The following FRMPD1 variants were observed in gnomAD, a reference collection of about 807,000 sequenced individuals.
FRMPD1 encodes FERM and PDZ domain-containing protein 1.
Under a neutral mutation model 117.8 loss-of-function variants are expected in FRMPD1, and 76 were observed. That is an observed-to-expected ratio of 0.65 (90% confidence interval 0.54 to 0.78). The LOEUF (loss-of-function observed/expected upper bound fraction) is 0.78, where lower values mean the gene tolerates loss of function less well. Among genes scored for constraint, FRMPD1 ranks in the 30% least tolerant of loss-of-function variants. The pLI is 0.00. For missense variants in FRMPD1, 1,786 were observed against 1,964.5 expected (o/e 0.91, Z 1.72); for synonymous variants, 783 against 770.4 (o/e 1.02, Z -0.27).
At chr9:37,657,238 C>A (rs1486409215) in intron 1 of FRMPD1, among the ~76,000 whole-genome samples, 2 of 152,124 alleles carry the variant, frequency 1.3e-5, no homozygotes, top group African/African-American at 2.4e-5. Flanking sequence ...TTAAAACCAA[C>A]GATAACAATC....
the FRMPD1 span, among the ~76,000 whole-genome samples, chr9:37,607,080 CG>C: frequency 3.3e-5 from 5 of 152,032 alleles, no homozygotes; most frequent in Non-Finnish European, 7.4e-5. Context: ...TTTGGGAGGC[CG>C]GGGCGGGTGG....
Position 37,740,225 on chromosome 9 carries a change from C to G in FRMPD1, c.1697C>G (p.Pro566Arg), listed in dbSNP as rs575392695. ...CAGCCTCCTGGGAACAGCCCCACACCTGAGGTGGCTAGGAGGGGCCCCAGC... is the reference window on the plus strand; with the variant it reads ...CAGCCTCCTGGGAACAGCCCCACACGTGAGGTGGCTAGGAGGGGCCCCAGC... The part of the protein sequence containing the change: ...EEQPPGNSPT[P>R]EVARRGPSTC... The change falls in exon 15 of 16, where the codon CCT becomes CGT. Residue 566 changes from proline (P) to arginine (R), a missense_variant. Pro to Arg is a moderately radical substitution (Grantham distance 103). Transcript: ENST00000377765. The surrounding 1 kb of genome is among the most constrained non-coding windows in gnomAD (Gnocchi z 4.2). The G allele has an allele frequency of 6.2e-7, 1 of 1,613,950 alleles. No individual in the cohort carries two copies. The highest frequency in any genetic ancestry group is 2.2e-5 in the East Asian group (1 of 44,878).
intron 1 of FRMPD1, among the ~76,000 whole-genome samples, chr9:37,681,212 C>CAAAAAAA (rs72098221): frequency 9.4e-5 from 8 of 85,544 alleles, no homozygotes; most frequent in Admixed American, 2.7e-4. Flanking sequence ...GACTCTGTCT[C>CAAAAAAA]AAAAAAAAAA....
intron 1 of FRMPD1, among the ~76,000 whole-genome samples, chr9:37,689,280 T>C (rs1419192195): frequency 6.6e-6 from 1 of 152,142 alleles, no homozygotes; most frequent in Admixed American, 6.5e-5. Flanking sequence ...GTTTACATTA[T>C]CATGACAATG....
chr9:37,623,688 T>C, the FRMPD1 span, among the ~76,000 whole-genome samples: 1 of 152,172 alleles, frequency 6.6e-6, no homozygotes, highest in South Asian at 2.1e-4. Flanking sequence ...AGAAATGATA[T>C]GATTAGAATT....
chr9:37,675,325 G>A (rs1821488235), intron 1 of FRMPD1, among the ~76,000 whole-genome samples: 1 of 152,022 alleles, frequency 6.6e-6, no homozygotes, highest in South Asian at 2.1e-4. Flanking sequence ...GGTGGCTGAG[G>A]CACAAGAATC....
the FRMPD1 span, among the ~76,000 whole-genome samples, chr9:37,634,743 T>C: frequency 6.6e-6 from 1 of 151,954 alleles, no homozygotes; most frequent in Admixed American, 6.5e-5. Flanking sequence ...AGGTAAAATT[T>C]TGGAGATTTT....
the FRMPD1 span, among the ~76,000 whole-genome samples, chr9:37,639,307 C>T: frequency 6.6e-6 from 1 of 152,166 alleles, no homozygotes; most frequent in East Asian, 1.9e-4. Flanking sequence ...CATAGGAATG[C>T]AACATGATCT....
intron 5 of FRMPD1, 117 bp from the exon 6 acceptor site, chr9:37,718,952 G>T (rs1823270126): frequency 6.0e-6 from 4 of 669,644 alleles, no homozygotes; most frequent in Non-Finnish European, 1.1e-5. Flanking sequence ...TTTCCTGTGG[G>T]TTTAAATTGA....
chr9:37,706,808 G>A (rs953199345), intron 2 of FRMPD1, among the ~76,000 whole-genome samples: 4 of 152,130 alleles, frequency 2.6e-5, no homozygotes, highest in South Asian at 2.1e-4. Context: ...AAAATTATCC[G>A]TCATCAAACA....
At chr9:37,637,280 T>C in the FRMPD1 span, 2 of 1,567,638 alleles carry the variant, frequency 1.3e-6, no homozygotes, top group African/African-American at 1.3e-5. Flanking sequence ...CAGGCAGTCA[T>C]ATCCGGGGTT....
Position 37,746,830 on chromosome 9 carries a change from C to A in FRMPD1, c.*61C>A. The stretch of plus-strand genomic sequence containing the variant: ...TGCCTTGGACACTTCCCTGAGAAGC[C>A]CCTTCCACTCTCCCACCCACCCTCT... On this transcript the variant is annotated 3_prime_UTR_variant, in exon 16 of 16. Transcript: ENST00000377765. The A allele has an allele frequency of 1.8e-6, 2 of 1,095,548 alleles. No homozygotes were observed. Among genetic ancestry groups the A allele is most frequent in the South Asian group, 1.3e-5 (1 of 74,182 alleles). The allele number at this position is 1,095,548 out of a possible 1,614,324, so 67.9% of individuals were successfully genotyped here.
chr9:37,745,624 C>T lies in FRMPD1; in HGVS notation c.3592C>T (p.Gln1198Ter). 6.2e-7 allele frequency: 1 copy of T among 1,614,200 alleles called. No individual in the cohort carries two copies. Among genetic ancestry groups the T allele is most frequent in the Non-Finnish European group, 8.5e-7 (1 of 1,180,040 alleles). Residue 1198 changes from glutamine to a stop codon, truncating the protein, a stop_gained, in exon 16 of 16, where the codon CAA (glutamine) becomes TAA (stop). Coordinates refer to ENST00000377765, the MANE Select transcript of FRMPD1 (RefSeq NM_014907.3). LOFTEE classifies it high-confidence loss of function. Reference protein sequence around the residue: ...PPGQGCQAQEQKLFVELDLDP... With the variant: ...PPGQGCQAQE ...AGGGCAAGGCTGCCAGGCTCAAGAA[C>T]AAAAACTATTCGTAGAGTTGGATTT...
At chr9:37,723,595 C>T (rs10125603) in intron 6 of FRMPD1, among the ~76,000 whole-genome samples, 33,133 of 152,130 alleles carry the variant, frequency 0.22, 3,927 homozygotes, top group East Asian at 0.31. Flanking sequence ...TGGTGGCTCA[C>T]GCCTATAATC....
chr9:37,637,534 C>A, the FRMPD1 span, among the ~76,000 whole-genome samples: 1 of 152,136 alleles, frequency 6.6e-6, no homozygotes, highest in Non-Finnish European at 1.5e-5. Context: ...CTTGCTTCTT[C>A]CCCTAACCCC....
At chr9:37,709,821 G>T (rs920660226) in intron 4 of FRMPD1, among the ~76,000 whole-genome samples, 1 of 152,164 alleles carries the variant, frequency 6.6e-6, no homozygotes, top group Non-Finnish European at 1.5e-5. Flanking sequence ...TCTAGGAAGT[G>T]AAGTCCAGAT....
At chr9:37,611,309 T>C in the FRMPD1 span, among the ~76,000 whole-genome samples, 7 of 152,240 alleles carry the variant, frequency 4.6e-5, no homozygotes, top group African/African-American at 1.7e-4. Context: ...GCAAATTTTT[T>C]GTGCTTATGC....
chr9:37,729,945 C>A (rs1588963731), intron 8 of FRMPD1, 92 bp downstream of exon 8: 1 of 1,359,328 alleles, frequency 7.4e-7, no homozygotes, highest in Non-Finnish European at 1.0e-6. Context: ...CTCAGCACAT[C>A]TGCAGGTTTG....
the FRMPD1 span, among the ~76,000 whole-genome samples, chr9:37,618,787 G>A: frequency 1.3e-5 from 2 of 152,000 alleles, no homozygotes; most frequent in African/African-American, 4.8e-5. Context: ...CTCTCTTTCG[G>A]TCTCTGACTA....
Sources: gnomAD v4.1 joint callset for allele counts (sites outside exome capture counted in the v4.1 genomes callset) on GRCh38, gnomAD v4.1.1 for gene constraint, Gnocchi (gnomAD v3.1) non-coding constraint, MANE v1.5 for transcripts, NCBI Gene and HGNC (gene_info 2026-07-23, HGNC 2026-07-21) for gene names.